GYG1: variants seen among roughly 807,000 people sequenced by gnomAD.
The protein encoded by GYG1 is glycogenin 1, also known as glycogenin-1.
A neutral mutation model predicts 41.9 loss-of-function variants in GYG1; 44 were observed. The observed-to-expected ratio is 1.05, with a 90% confidence interval of 0.83 to 1.35. The LOEUF is 1.35. GYG1 is among the 40% of genes most tolerant of loss of function. GYG1 has a pLI of 0.00. For missense variants in GYG1, 429 were observed against 418.9 expected, an observed-to-expected ratio of 1.02 and a Z score of -0.21; for synonymous variants, 141 against 158.1, an observed-to-expected ratio of 0.89 and a Z score of 0.81.
chr3:149,005,899 A>G (rs1392713606), intron 4 of GYG1, among the ~76,000 whole-genome samples: 8 of 152,112 alleles, frequency 5.3e-5, no homozygotes, highest in Non-Finnish European at 8.8e-5. Context: ...TTGACATTGG[A>G]CCAATCCACC....
At chr3:149,005,411 G>A (rs908333387) in intron 4 of GYG1, among the ~76,000 whole-genome samples, 17 of 151,984 alleles carry the variant, frequency 1.1e-4, no homozygotes, top group African/African-American at 3.1e-4. Flanking sequence ...TAATGTTTAT[G>A]TTCTTAGTTA....
chr3:149,018,777 G>A (rs2107915457), intron 5 of GYG1, among the ~76,000 whole-genome samples: 1 of 152,166 alleles, frequency 6.6e-6, no homozygotes, highest in South Asian at 2.1e-4. Context: ...TTAAAGTAGT[G>A]TCAGGCCGGG....
In GYG1 at chr3:149,027,824, C is replaced by A. The variant is rs1020337466; in HGVS notation, c.*891C>A. ...TTTTCTGTGATGGTGATGGATCTGACAGATCAGAACAAACCGAGATCAAAC... is the reference window on the plus strand; with the variant it reads ...TTTTCTGTGATGGTGATGGATCTGAAAGATCAGAACAAACCGAGATCAAAC... On this transcript the variant is annotated 3_prime_UTR_variant, in exon 8 of 8. Transcript: ENST00000345003. Among the ~76,000 whole-genome samples the A allele has an allele frequency of 6.6e-6, 1 of 152,092 alleles. No individual in the cohort carries two copies. The highest frequency in any genetic ancestry group is 2.4e-5 in the African/African-American group (1 of 41,390).
chr3:148,995,498 G>T (rs191418820), intron 2 of GYG1, among the ~76,000 whole-genome samples: 1 of 152,188 alleles, frequency 6.6e-6, no homozygotes, highest in East Asian at 1.9e-4. Context: ...TGCCAAAAAG[G>T]CTGTCTCCTA....
chr3:148,996,173 A>T (rs1712773788), intron 2 of GYG1, 129 bp from the exon 3 acceptor site: 2 of 757,222 alleles, frequency 2.6e-6, no homozygotes, highest in East Asian at 2.5e-5. Context: ...TTAAGGGTAC[A>T]TATTCTACCA....
rs1238253536 is a variant in GYG1 at position 149,027,438 on chromosome 3, CA to C, written c.*506del. On this transcript the variant is annotated 3_prime_UTR_variant, in exon 8 of 8. Coordinates refer to ENST00000345003, the MANE Select transcript of GYG1 (RefSeq NM_004130.4). Reference sequence around the variant, plus strand: ...TCAACACTGCTGAGTGATTCATAAACATATCAACCAATAGCATTAACCCATT... The same window carrying C: ...TCAACACTGCTGAGTGATTCATAAACTATCAACCAATAGCATTAACCCATT... 1 of 166,562 alleles carries C rather than the reference CA, an allele frequency of 6.0e-6. No individual in the cohort carries two copies. Among genetic ancestry groups the C allele is most frequent in the African/African-American group, 2.4e-5 (1 of 41,594 alleles). The allele number at this position is 166,562 out of a possible 1,614,324, so 10.3% of individuals were successfully genotyped here.
At chr3:148,992,076 G>T (rs1428432006) in intron 1 of GYG1, among the ~76,000 whole-genome samples, 4 of 152,060 alleles carry the variant, frequency 2.6e-5, no homozygotes, top group African/African-American at 9.7e-5. Flanking sequence ...GGAAGCAGGG[G>T]CTCCGAGGCG....
chr3:149,001,218 C>T (rs1464200389), intron 4 of GYG1: 1 of 152,144 alleles, frequency 6.6e-6, no homozygotes, highest in Non-Finnish European at 1.5e-5. Flanking sequence ...ATGGTGACTT[C>T]CCCCAGCCAC....
chr3:149,009,290 A>C lies in GYG1; in HGVS notation c.496A>C (p.Ile166Leu), dbSNP rs1713583071. Residue 166 changes from isoleucine to leucine, a missense_variant, in exon 5 of 8, where the codon ATA becomes CTA. Physicochemically the swap from Ile to Leu is conservative, Grantham distance 5. Coordinates refer to ENST00000345003, the MANE Select transcript of GYG1 (RefSeq NM_004130.4). ...TTTTCTTTTAGGTGGGGACCAAGGC[A>C]TACTGAACACATTTTTTAGCAGCTG... is the stretch of plus-strand genomic sequence containing the variant. The part of the protein sequence containing the change: ...QGSFDGGDQG[I>L]LNTFFSSWAT... 6.2e-7 allele frequency: 1 copy of C among 1,612,696 alleles called. No homozygotes were observed. The highest frequency in any genetic ancestry group is 1.7e-5 in the Admixed American group (1 of 59,998).
At chr3:149,009,527 T>A in intron 5 of GYG1, 125 bp downstream of exon 5, 1 of 1,004,420 alleles carries the variant, frequency 1.0e-6, no homozygotes, top group Admixed American at 1.7e-5. Context: ...GGAAAGTTTC[T>A]CTTGTAAGAA....
rs1396006705 is a variant in GYG1, at chr3:149,002,995, T to C, written c.481+6091T>C. Among the ~76,000 whole-genome samples, 5 of 152,068 alleles carry C rather than the reference T, an allele frequency of 3.3e-5. No individual in the cohort carries two copies. In the East Asian group the frequency reaches 9.6e-4, roughly 29 times the overall value. ...GTACGCCACTGCACTCCAGCCTGGG[T>C]GACAGAGCAAGACTCTGTCTCTGTA... is the stretch of plus-strand genomic sequence containing the variant. On this transcript the variant is annotated intron_variant, in intron 4 of 7. Transcript: ENST00000345003.
Position 149,017,582 on chromosome 3 carries a change from G to GTTTTTTTTTTTTTTTTTT in GYG1, c.609-6458_609-6441dup, listed in dbSNP as rs58075146. On this transcript the variant is annotated intron_variant, in intron 5 of 7. Transcript: ENST00000345003. ...TTATTTATTTATTTCTTTTATTTAG[G>GTTTTTTTTTTTTTTTTTT]TTTTTTTTTTTTTTTTTTTTTTTTT... 1.5e-4 allele frequency among the ~76,000 whole-genome samples: 7 copies of GTTTTTTTTTTTTTTTTTT among 47,380 alleles called. 2 individuals are homozygous for GTTTTTTTTTTTTTTTTTT. The highest frequency in any genetic ancestry group is 1.8e-3 in the East Asian group (2 of 1,126). The allele number at this position is 47,380 out of a possible 152,430, so 31.1% of individuals were successfully genotyped here.
chr3:149,022,729 C>T (rs921749521), intron 5 of GYG1, among the ~76,000 whole-genome samples: 4 of 151,820 alleles, frequency 2.6e-5, no homozygotes, highest in South Asian at 2.1e-4. Context: ...CTCCTGACCT[C>T]GTGATTTGCC....
intron 5 of GYG1, among the ~76,000 whole-genome samples, chr3:149,015,004 A>T (rs1713938046): frequency 1.3e-5 from 2 of 152,186 alleles, no homozygotes; most frequent in African/African-American, 4.8e-5. Context: ...TTTAAAAATT[A>T]GGGAATTTCA....
intron 5 of GYG1, among the ~76,000 whole-genome samples, chr3:149,018,304 A>C (rs1279542054): frequency 6.6e-6 from 1 of 152,198 alleles, no homozygotes; most frequent in Non-Finnish European, 1.5e-5. Flanking sequence ...GATGTGTCTT[A>C]TGAAAGCTTA....
At chr3:148,999,036 A>G (rs1184544374) in intron 4 of GYG1, among the ~76,000 whole-genome samples, 2 of 152,228 alleles carry the variant, frequency 1.3e-5, no homozygotes, top group Non-Finnish European at 2.9e-5. Context: ...AACCTAGAAA[A>G]CGATTAGATG....
In GYG1 at chr3:149,028,613, C is replaced by T. The variant is rs766566367; in HGVS notation, c.*1680C>T. ...TTTGTGGCCATTCAGTTGCATTCAA[C>T]GTTAATTTTTTCTATTTACTACCGT... On this transcript the variant is annotated 3_prime_UTR_variant, in exon 8 of 8. Coordinates refer to ENST00000345003, the MANE Select transcript of GYG1 (RefSeq NM_004130.4). 2.6e-5 allele frequency among the ~76,000 whole-genome samples: 4 copies of T among 151,696 alleles called. No homozygotes were observed. Among genetic ancestry groups the T allele is most frequent in the South Asian group, 2.1e-4 (1 of 4,814 alleles).
In GYG1 at chr3:148,994,179, C is replaced by T. The variant is rs201443260; in HGVS notation, c.45C>T (p.Tyr15=). Reference sequence around the variant, plus strand: ...TGACACTAACCACAAACGATGCCTACGCCAAAGGTGCCCTGGTCCTGGGAT... The same window carrying T: ...TGACACTAACCACAAACGATGCCTATGCCAAAGGTGCCCTGGTCCTGGGAT... ...AFVTLTTNDA[Y]AKGALVLGSS... The change falls in exon 2 of 8, where the codon TAC becomes TAT. Residue 15 remains tyrosine (Y), a synonymous_variant. Transcript: ENST00000345003. 5.3e-5 allele frequency: 85 copies of T among 1,613,678 alleles called. No individual in the cohort carries two copies. The highest frequency in any genetic ancestry group is 4.9e-4 in the Middle Eastern group (3 of 6,062).
intron 5 of GYG1, among the ~76,000 whole-genome samples, chr3:149,012,523 G>C (rs928340526): frequency 1.3e-5 from 2 of 152,128 alleles, no homozygotes; most frequent in African/African-American, 4.8e-5. Flanking sequence ...TGTGGCCTTT[G>C]GTCTTACATG....
Sources: gnomAD v4.1 joint callset for allele counts (sites outside exome capture counted in the v4.1 genomes callset) on GRCh38, gnomAD v4.1.1 for gene constraint, MANE v1.5 for transcripts, NCBI Gene and HGNC (gene_info 2026-07-23, HGNC 2026-07-21) for gene names.